The following KCNK13 variants were observed in gnomAD, a reference collection of about 807,000 sequenced individuals.
KCNK13 encodes potassium channel subfamily K member 13.
A neutral mutation model predicts 23.4 loss-of-function variants in KCNK13; 12 were observed. That is an observed-to-expected ratio of 0.51 (90% CI 0.33 to 0.83). The LOEUF (loss-of-function observed/expected upper bound fraction) is 0.83, where lower values mean the gene tolerates loss of function less well. Ranked by LOEUF, KCNK13 falls within the 40% of genes least tolerant of loss-of-function variation. The probability of loss-of-function intolerance (pLI) is 0.02; values close to 1 mark genes in which losing one functional copy is unlikely to be tolerated. For synonymous variants in KCNK13, 231 were observed against 229.5 expected, an observed-to-expected ratio of 1.01 and a Z score of -0.06; for missense variants, 463 against 556.3, an observed-to-expected ratio of 0.83 and a Z score of 1.69.
intron 1 of KCNK13, among the ~76,000 whole-genome samples, chr14:90,092,898 T>G (rs1889365162): frequency 9.0e-6 from 1 of 110,604 alleles, no homozygotes. Context: ...GATGACAGAG[T>G]GAGACCCTGT....
intron 1 of KCNK13, among the ~76,000 whole-genome samples, chr14:90,068,623 A>G (rs1889036243): frequency 1.3e-5 from 2 of 152,086 alleles, no homozygotes; most frequent in Non-Finnish European, 2.9e-5. Context: ...AAAGAAAAGA[A>G]ATGCAGACTC....
At chr14:90,115,907 C>G (rs372755102) in intron 1 of KCNK13, among the ~76,000 whole-genome samples, 6 of 152,332 alleles carry the variant, frequency 3.9e-5, no homozygotes, top group Admixed American at 6.5e-5. Context: ...TGCTGTAATG[C>G]ATGGTCATTG....
intron 1 of KCNK13, among the ~76,000 whole-genome samples, chr14:90,174,759 C>T (rs987646547): frequency 5.3e-5 from 8 of 152,010 alleles, no homozygotes; most frequent in African/African-American, 1.9e-4. Flanking sequence ...GAGGCTGAGG[C>T]AAGAGGATTG....
At chr14:90,174,629 A>G (rs185936847) in intron 1 of KCNK13, among the ~76,000 whole-genome samples, 156 of 152,318 alleles carry the variant, frequency 1.0e-3, no homozygotes, top group African/African-American at 3.5e-3. Context: ...AGGCTGGCAG[A>G]TAGTGCTTGA....
chr14:90,135,509 C>T (rs1889925055), intron 1 of KCNK13, among the ~76,000 whole-genome samples: 1 of 152,266 alleles, frequency 6.6e-6, no homozygotes, highest in Non-Finnish European at 1.5e-5. Context: ...GGCCACTACC[C>T]GATGTGGGGT....
intron 1 of KCNK13, among the ~76,000 whole-genome samples, chr14:90,133,327 C>T (rs575633822): frequency 5.9e-5 from 9 of 152,180 alleles, no homozygotes; most frequent in Admixed American, 2.0e-4. Flanking sequence ...ATGTCCACAA[C>T]GGATAAATCT....
intron 1 of KCNK13, among the ~76,000 whole-genome samples, chr14:90,087,119 T>TATATATACATATATATATATAC (rs1566949113): frequency 9.2e-5 from 11 of 119,690 alleles, no homozygotes; most frequent in African/African-American, 3.6e-4. Flanking sequence ...TATATATACA[T>TATATATACATATATATATATAC]ATATATATAC....
intron 1 of KCNK13, among the ~76,000 whole-genome samples, chr14:90,072,958 G>A (rs1889093489): frequency 6.6e-6 from 1 of 152,130 alleles, no homozygotes; most frequent in Admixed American, 6.5e-5. Flanking sequence ...AACCCCATAA[G>A]ATTGGTACTA....
At chr14:90,128,270 G>A (rs561165062) in intron 1 of KCNK13, among the ~76,000 whole-genome samples, 1 of 152,172 alleles carries the variant, frequency 6.6e-6, no homozygotes, top group Middle Eastern at 3.4e-3. Context: ...TTTTCTAAGC[G>A]GCAATTTACT....
At chr14:90,082,156 C>T (rs777377244) in intron 1 of KCNK13, among the ~76,000 whole-genome samples, 31 of 152,176 alleles carry the variant, frequency 2.0e-4, no homozygotes, top group Middle Eastern at 3.4e-3. Context: ...CTGCTTCCTG[C>T]GCTTAAGTGA....
At chr14:90,063,049 C>T (rs1465655252) in intron 1 of KCNK13, among the ~76,000 whole-genome samples, 2 of 152,018 alleles carry the variant, frequency 1.3e-5, no homozygotes, top group Non-Finnish European at 2.9e-5. Flanking sequence ...AGTGAGGAAG[C>T]AAAAGTGCCA....
chr14:90,176,508 C>CAA (rs879445217), intron 1 of KCNK13, among the ~76,000 whole-genome samples: 2 of 142,934 alleles, frequency 1.4e-5, no homozygotes, highest in Non-Finnish European at 3.1e-5. Context: ...GGCTTTTTAC[C>CAA]AAAAAAAAAA....
rs562929130 is a variant in KCNK13, at chr14:90,112,141, T to G, written c.334+49602T>G. 2.6e-4 allele frequency among the ~76,000 whole-genome samples: 39 copies of G among 152,350 alleles called. No homozygotes were observed. The Middle Eastern group carries it at 0.01, about 40-fold the overall frequency. ...AAACATCCTGCTCTGCTCGTTCTCCTTGGCCCTTCTTACCTTTTTCTCACA... is the reference window on the plus strand; with the variant it reads ...AAACATCCTGCTCTGCTCGTTCTCCGTGGCCCTTCTTACCTTTTTCTCACA... On this transcript the variant is annotated intron_variant, in intron 1 of 1. Coordinates refer to ENST00000282146, the MANE Select transcript of KCNK13 (RefSeq NM_022054.4).
chr14:90,149,543 G>A (rs1286404230), intron 1 of KCNK13, among the ~76,000 whole-genome samples: 1 of 152,168 alleles, frequency 6.6e-6, no homozygotes, highest in Non-Finnish European at 1.5e-5. Flanking sequence ...ACTATCACAA[G>A]AATAGCACAG....
chr14:90,123,632 A>G (rs1466566213), intron 1 of KCNK13, among the ~76,000 whole-genome samples: 1 of 152,130 alleles, frequency 6.6e-6, no homozygotes, highest in Non-Finnish European at 1.5e-5. Context: ...GGCTATTAGT[A>G]GTAGTAGTAG....
intron 1 of KCNK13, among the ~76,000 whole-genome samples, chr14:90,178,284 T>A (rs886536676): frequency 6.6e-6 from 1 of 151,480 alleles, no homozygotes; most frequent in Non-Finnish European, 1.5e-5. Flanking sequence ...TATTATTATT[T>A]TTATTTTTTA....
intron 1 of KCNK13, among the ~76,000 whole-genome samples, chr14:90,094,676 G>A (rs1240065219): frequency 2.1e-4 from 28 of 133,910 alleles, no homozygotes; most frequent in East Asian, 8.8e-4. Flanking sequence ...TTGAGATGGA[G>A]CCTCACTGTC....
chr14:90,101,379 A>G (rs553811448), intron 1 of KCNK13, among the ~76,000 whole-genome samples: 1 of 152,188 alleles, frequency 6.6e-6, no homozygotes, highest in African/African-American at 2.4e-5. Context: ...GGCAAAACCA[A>G]TACTTAGACG....
chr14:90,168,787 G>C (rs28530529), intron 1 of KCNK13, among the ~76,000 whole-genome samples: 1 of 152,164 alleles, frequency 6.6e-6, no homozygotes, highest in African/African-American at 2.4e-5. Context: ...GTTTGTCTGT[G>C]TCACCACCCA....
Sources: allele counts gnomAD v4.1 joint callset (sites outside exome capture counted in the v4.1 genomes callset), GRCh38; gene constraint gnomAD v4.1.1; transcripts MANE v1.5; gene names NCBI Gene and HGNC (gene_info 2026-07-23, HGNC 2026-07-21).